Variants in PDSS2 observed in about 807,000 individuals in gnomAD.
PDSS2 encodes the protein all trans-polyprenyl-diphosphate synthase PDSS2.
PDSS2 carries 31 observed loss-of-function variants against 44.5 expected under a neutral mutation model. The ratio of observed to expected loss-of-function variants is 0.70; its 90% CI spans 0.52 to 0.94. PDSS2 has a LOEUF of 0.94. PDSS2 is among the 40% of genes least tolerant of loss of function. The pLI is 0.00. For synonymous variants in PDSS2, 157 were observed against 180.3 expected (o/e 0.87, Z 1.03); for missense variants, 452 against 482.2 (o/e 0.94, Z 0.59).
In PDSS2 at chr6:107,402,451, C is replaced by CACACACATATATACGTATATATATGTAT. The variant is rs1562516005; in HGVS notation, c.296+56538_296+56539insATACATATATATACGTATATATGTGTGT. ...TAATATATATATACACACACACACA[C>CACACACATATATACGTATATATATGTAT]ACATATATATACGTATATATATGTA... On this transcript the variant is annotated intron_variant, in intron 1 of 7. Coordinates refer to ENST00000369037, the MANE Select transcript of PDSS2 (RefSeq NM_020381.4). Among the ~76,000 whole-genome samples the CACACACATATATACGTATATATATGTAT allele has an allele frequency of 0.022, 177 of 7,994 alleles. 2 individuals carry two copies. The East Asian group carries it at 0.25, about 11-fold the overall frequency. 5.2% of individuals were successfully genotyped at this position (7,994 alleles called of 152,430 possible).
chr6:107,241,821 A>G (rs1277260034), intron 4 of PDSS2, among the ~76,000 whole-genome samples: 1 of 152,174 alleles, frequency 6.6e-6, no homozygotes, highest in Non-Finnish European at 1.5e-5. Flanking sequence ...ACAGACTGCT[A>G]TTGTATCCTC....
rs144736575 is a variant in PDSS2, at chr6:107,195,221, G to A, written c.1009-1367C>T. Among the ~76,000 whole-genome samples the A allele has an allele frequency of 2.7e-3, 406 of 151,454 alleles. 2 individuals are homozygous for A. Among genetic ancestry groups the A allele is most frequent in the African/African-American group, 8.5e-3 (352 of 41,294 alleles). On this transcript the variant is annotated intron_variant, in intron 6 of 7. Coordinates refer to ENST00000369037, the MANE Select transcript of PDSS2 (RefSeq NM_020381.4). Reference sequence around the variant, plus strand: ...TAAAGCTGGGCACAGTGGCTCATGCGTGTAATCCCAGCACCTTGGGAGGCC... The same window carrying A: ...TAAAGCTGGGCACAGTGGCTCATGCATGTAATCCCAGCACCTTGGGAGGCC...
intron 7 of PDSS2, among the ~76,000 whole-genome samples, chr6:107,190,085 A>T (rs985039328): frequency 1.6e-3 from 115 of 72,840 alleles, no homozygotes; most frequent in Non-Finnish European, 2.5e-3. Flanking sequence ...CCCTATCTCT[A>T]AAAAAAAAAA....
intron 1 of PDSS2, among the ~76,000 whole-genome samples, chr6:107,427,113 T>C (rs561716088): frequency 2.0e-4 from 30 of 152,152 alleles, no homozygotes; most frequent in Non-Finnish European, 4.3e-4. Context: ...ATAATTCCCA[T>C]GTGTTGTGGG....
At chr6:107,374,374 G>A (rs1042600005) in intron 1 of PDSS2, among the ~76,000 whole-genome samples, 6 of 151,750 alleles carry the variant, frequency 4.0e-5, no homozygotes, top group Non-Finnish European at 7.4e-5. Context: ...CATCCAAACC[G>A]ATCAACTGAA....
At chr6:107,451,067 A>G (rs1237985235) in intron 1 of PDSS2, among the ~76,000 whole-genome samples, 1 of 152,146 alleles carries the variant, frequency 6.6e-6, no homozygotes, top group Non-Finnish European at 1.5e-5. Flanking sequence ...CCTGGACTCA[A>G]GTGATCTGCC....
chr6:107,376,978 G>A (rs1390190970), intron 1 of PDSS2, among the ~76,000 whole-genome samples: 1 of 151,538 alleles, frequency 6.6e-6, no homozygotes, highest in Admixed American at 6.6e-5. Flanking sequence ...ATAGGCATGG[G>A]CAAGGACTTC....
chr6:107,345,125 TG>T (rs1295000924), intron 1 of PDSS2, among the ~76,000 whole-genome samples: 1 of 151,746 alleles, frequency 6.6e-6, no homozygotes, highest in Non-Finnish European at 1.5e-5. Context: ...GCAATGACAC[TG>T]GCTAAGAGCT....
At chr6:107,394,483 T>C (rs1215925532) in intron 1 of PDSS2, among the ~76,000 whole-genome samples, 1 of 152,042 alleles carries the variant, frequency 6.6e-6, no homozygotes, top group African/African-American at 2.4e-5. Flanking sequence ...CCAGCTCTCA[T>C]AAGAACTCAC....
At chr6:107,164,178 T>TA (rs5878906) in intron 7 of PDSS2, among the ~76,000 whole-genome samples, 11,522 of 151,996 alleles carry the variant, frequency 0.076, 526 homozygotes, top group African/African-American at 0.12. Flanking sequence ...ATTTTTTTTT[T>TA]AATTATACTT....
At chr6:107,444,097 C>T (rs1276929744) in intron 1 of PDSS2, among the ~76,000 whole-genome samples, 5 of 152,114 alleles carry the variant, frequency 3.3e-5, no homozygotes, top group African/African-American at 7.2e-5. Context: ...GGAACAATCA[C>T]GGCTCACTGC....
intron 2 of PDSS2, among the ~76,000 whole-genome samples, chr6:107,291,496 C>T (rs533874804): frequency 8.5e-4 from 128 of 150,368 alleles, no homozygotes; most frequent in African/African-American, 2.5e-3. Context: ...TACAGGTGCG[C>T]GCCACCATAC....
intron 3 of PDSS2, among the ~76,000 whole-genome samples, chr6:107,262,794 A>T (rs1402933645): frequency 6.6e-6 from 1 of 151,908 alleles, no homozygotes; most frequent in Non-Finnish European, 1.5e-5. Context: ...AAAAAAAAGG[A>T]AACTTGGCTG....
At chr6:107,447,124 G>A (rs959080590) in intron 1 of PDSS2, among the ~76,000 whole-genome samples, 9 of 152,088 alleles carry the variant, frequency 5.9e-5, no homozygotes, top group African/African-American at 2.2e-4. Context: ...ACGAGGTCAG[G>A]AGATCGAGAC....
At chr6:107,260,727 A>C (rs866341492) in intron 3 of PDSS2, among the ~76,000 whole-genome samples, 7 of 139,970 alleles carry the variant, frequency 5.0e-5, no homozygotes, top group African/African-American at 1.9e-4. Context: ...GCAGTGGCGC[A>C]ATCTCGGCTC....
intron 4 of PDSS2, among the ~76,000 whole-genome samples, chr6:107,213,461 T>C (rs1381078999): frequency 6.6e-6 from 1 of 151,514 alleles, no homozygotes; most frequent in Non-Finnish European, 1.5e-5. Flanking sequence ...ACCCTCTATC[T>C]TAAAAAAAGA....
rs186648481 is a variant in PDSS2, at chr6:107,304,601, G to A, written c.431+29597C>T. 2.9e-4 allele frequency among the ~76,000 whole-genome samples: 44 copies of A among 152,306 alleles called. 1 individual carries two copies. Among genetic ancestry groups the A allele is most frequent in the Admixed American group, 2.8e-3 (43 of 15,298 alleles). ...GCCCAGTCGTTTCATCTGTAAAATG[G>A]TGGTAACAATAGCACATGTGTCAAA... On this transcript the variant is annotated intron_variant, in intron 2 of 7. Transcript: ENST00000369037.
At chr6:107,434,728 A>G (rs1781296270) in intron 1 of PDSS2, among the ~76,000 whole-genome samples, 1 of 152,146 alleles carries the variant, frequency 6.6e-6, no homozygotes, top group South Asian at 2.1e-4. Context: ...TGTACATTTT[A>G]AAATAATTAA....
chr6:107,376,250 T>C (rs1232528703), intron 1 of PDSS2, among the ~76,000 whole-genome samples: 1 of 152,040 alleles, frequency 6.6e-6, no homozygotes, highest in African/African-American at 2.4e-5. Flanking sequence ...TGTGGGCTCT[T>C]TTTTGGTTCC....
Sources: allele counts gnomAD v4.1 joint callset (sites outside exome capture counted in the v4.1 genomes callset), GRCh38; gene constraint gnomAD v4.1.1; transcripts MANE v1.5; gene names NCBI Gene and HGNC (gene_info 2026-07-23, HGNC 2026-07-21).